Variants in SPOCK3 observed in about 807,000 individuals in gnomAD.
SPOCK3 encodes testican-3.
In SPOCK3, 30 loss-of-function variants were observed where a neutral mutation model predicts 56.6. The ratio of observed to expected loss-of-function variants is 0.53; its 90% confidence interval spans 0.40 to 0.72. SPOCK3 has a LOEUF of 0.72. SPOCK3 is among the 30% of genes least tolerant of loss of function. The pLI, the probability that SPOCK3 is intolerant of heterozygous loss-of-function variation, is 0.00. For missense variants in SPOCK3, 527 were observed against 530.0 expected (o/e 0.99, Z 0.06); for synonymous variants, 196 against 183.3 (o/e 1.07, Z -0.56).
intron 2 of SPOCK3, among the ~76,000 whole-genome samples, chr4:167,155,930 T>C (rs1415555819): frequency 1.3e-5 from 2 of 152,102 alleles, no homozygotes; most frequent in Admixed American, 1.3e-4. Context: ...TGCATATGTA[T>C]ACCTTCGTAA....
At chr4:166,951,645 A>G (rs1742637138) in intron 4 of SPOCK3, among the ~76,000 whole-genome samples, 1 of 136,458 alleles carries the variant, frequency 7.3e-6, no homozygotes, top group Non-Finnish European at 1.5e-5. Context: ...AGAATTTTAG[A>G]CCAATATCCT....
At chr4:167,175,177 A>G (rs1383468645) in intron 2 of SPOCK3, among the ~76,000 whole-genome samples, 1 of 152,118 alleles carries the variant, frequency 6.6e-6, no homozygotes, top group Non-Finnish European at 1.5e-5. Context: ...TATAATTATA[A>G]AAGGGAGTTG....
intron 3 of SPOCK3, among the ~76,000 whole-genome samples, chr4:167,036,274 G>T (rs925398569): frequency 3.3e-5 from 5 of 152,166 alleles, no homozygotes; most frequent in Admixed American, 2.6e-4. Context: ...ACTTCACAGT[G>T]CCCTTATCTG....
chr4:166,814,680 C>T (rs2126737627), intron 6 of SPOCK3, among the ~76,000 whole-genome samples: 1 of 152,224 alleles, frequency 6.6e-6, no homozygotes, highest in South Asian at 2.1e-4. Context: ...GAAGGCTGCA[C>T]TGTTGGCTTC....
intron 8 of SPOCK3, among the ~76,000 whole-genome samples, chr4:166,745,469 A>T (rs1179798366): frequency 6.6e-6 from 1 of 152,238 alleles, no homozygotes; most frequent in Non-Finnish European, 1.5e-5. Flanking sequence ...GGCCTGCCTT[A>T]TAAGAGCTCC....
chr4:166,763,535 A>G (rs1737534359), intron 7 of SPOCK3, among the ~76,000 whole-genome samples: 1 of 152,110 alleles, frequency 6.6e-6, no homozygotes, highest in Non-Finnish European at 1.5e-5. Flanking sequence ...TTTTCCTTTC[A>G]TTTTAAGCAC....
intron 4 of SPOCK3, among the ~76,000 whole-genome samples, chr4:166,957,379 C>T (rs1051756116): frequency 6.6e-6 from 1 of 152,196 alleles, no homozygotes; most frequent in African/African-American, 2.4e-5. Flanking sequence ...GCAACACTGA[C>T]TCTTCACTCT....
chr4:166,982,221 C>A (rs1016033581), intron 4 of SPOCK3, among the ~76,000 whole-genome samples: 1 of 152,170 alleles, frequency 6.6e-6, no homozygotes, highest in Admixed American at 6.5e-5. Flanking sequence ...ACAGTGGCTG[C>A]CCCAGATGGG....
At chr4:166,986,353 T>C (rs1351696527) in intron 4 of SPOCK3, among the ~76,000 whole-genome samples, 1 of 152,174 alleles carries the variant, frequency 6.6e-6, no homozygotes, top group African/African-American at 2.4e-5. Flanking sequence ...CTTTCCTTAG[T>C]TGGAGAAACT....
chr4:167,107,130 G>T (rs1188357219), intron 2 of SPOCK3, among the ~76,000 whole-genome samples: 1 of 151,812 alleles, frequency 6.6e-6, no homozygotes, highest in Non-Finnish European at 1.5e-5. Flanking sequence ...GAGGGAAAAG[G>T]AATACTTCCA....
chr4:166,841,557 A>G (rs1338454257), intron 6 of SPOCK3, among the ~76,000 whole-genome samples: 1 of 152,098 alleles, frequency 6.6e-6, no homozygotes, highest in African/African-American at 2.4e-5. Flanking sequence ...TCTAGCTCTT[A>G]TTTTTGTGTC....
chr4:167,160,595 C>T (rs1168275090), intron 2 of SPOCK3, among the ~76,000 whole-genome samples: 2 of 151,970 alleles, frequency 1.3e-5, no homozygotes, highest in East Asian at 1.9e-4. Context: ...TAATCCTAAG[C>T]CAAAAGAACA....
At chr4:166,990,023 A>G (rs541988758) in intron 4 of SPOCK3, among the ~76,000 whole-genome samples, 7 of 152,288 alleles carry the variant, frequency 4.6e-5, no homozygotes, top group South Asian at 2.1e-4. Context: ...AGTGATAAGC[A>G]TTACTTTTGT....
At chr4:166,775,802 G>T (rs530393752) in intron 7 of SPOCK3, among the ~76,000 whole-genome samples, 1 of 152,312 alleles carries the variant, frequency 6.6e-6, no homozygotes, top group South Asian at 2.1e-4. Flanking sequence ...AGAATATTTT[G>T]TAAAGACTGA....
At chr4:166,908,813 T>C (rs1374577191) in intron 5 of SPOCK3, among the ~76,000 whole-genome samples, 1 of 152,074 alleles carries the variant, frequency 6.6e-6, no homozygotes, top group Admixed American at 6.6e-5. Flanking sequence ...AAATGGTATA[T>C]TGAAGAACAT....
intron 2 of SPOCK3, among the ~76,000 whole-genome samples, chr4:167,209,272 G>C (rs1238341026): frequency 6.6e-6 from 1 of 151,990 alleles, no homozygotes; most frequent in African/African-American, 2.4e-5. Flanking sequence ...AGTTTTCTAA[G>C]TAATATTTGA....
chr4:166,966,743 C>CACATTATTATTACAATAATA (rs1744778832), intron 4 of SPOCK3, among the ~76,000 whole-genome samples: 1 of 152,032 alleles, frequency 6.6e-6, no homozygotes, highest in Admixed American at 6.6e-5. Context: ...AAAATGCAAA[C>CACATTATTATTACAATAATA]ACATTATTAT....
intron 6 of SPOCK3, among the ~76,000 whole-genome samples, chr4:166,874,137 G>T (rs1329586752): frequency 6.6e-6 from 1 of 152,048 alleles, no homozygotes; most frequent in Non-Finnish European, 1.5e-5. Flanking sequence ...TGGGGTAGAG[G>T]TTGTACAAGT....
chr4:166,812,745 T>G (rs1743963757), intron 6 of SPOCK3, among the ~76,000 whole-genome samples: 1 of 152,022 alleles, frequency 6.6e-6, no homozygotes, highest in African/African-American at 2.4e-5. Context: ...AATTCTTCAC[T>G]GGGACGAATT....
Sources: gnomAD v4.1 joint callset for allele counts (sites outside exome capture counted in the v4.1 genomes callset) on GRCh38, gnomAD v4.1.1 for gene constraint, MANE v1.5 for transcripts, NCBI Gene and HGNC (gene_info 2026-07-23, HGNC 2026-07-21) for gene names.